UGT2A1: variants seen among roughly 807,000 people sequenced by gnomAD.
UGT2A1 encodes the protein UDP-glucuronosyltransferase 2A1.
UGT2A1 carries 61 observed loss-of-function variants against 45.4 expected under a neutral mutation model. The observed-to-expected ratio is 1.34, with a 90% CI of 1.09 to 1.66. The LOEUF is 1.66. UGT2A1 is among the 40% of genes most tolerant of loss of function. The pLI is 0.00. For missense variants in UGT2A1, 649 were observed against 574.3 expected, an observed-to-expected ratio of 1.13 and a Z score of -1.33; for synonymous variants, 229 against 196.2, an observed-to-expected ratio of 1.17 and a Z score of -1.40.
At chr4:69,634,770 C>A (rs1022890694) in intron 3 of UGT2A1, among the ~76,000 whole-genome samples, 1 of 152,074 alleles carries the variant, frequency 6.6e-6, no homozygotes, top group African/African-American at 2.4e-5. Context: ...ATTCCTCAAT[C>A]TAATAAGAGA....
intron 2 of UGT2A1, among the ~76,000 whole-genome samples, chr4:69,643,849 A>G (rs992499979): frequency 1.1e-4 from 17 of 151,666 alleles, no homozygotes; most frequent in African/African-American, 3.6e-4. Flanking sequence ...TAGAAGATCA[A>G]TTCAAATTAC....
At chr4:69,589,725 A>C in intron 6 of UGT2A1, 74 bp from the exon 7 acceptor site, 1 of 1,528,900 alleles carries the variant, frequency 6.5e-7, no homozygotes, top group South Asian at 1.3e-5. Flanking sequence ...TATGTGATAC[A>C]CTTTTGCTCT....
chr4:69,595,218 G>T lies in UGT2A1; in HGVS notation c.1028C>A (p.Ala343Asp). 6.2e-7 allele frequency: 1 copy of T among 1,613,742 alleles called. No homozygotes were observed. Among genetic ancestry groups the T allele is most frequent in the Non-Finnish European group, 8.5e-7 (1 of 1,179,844 alleles). Residue 343 changes from alanine to aspartate, a missense_variant, in exon 5 of 7, where the codon GCC (alanine) becomes GAC (aspartate). Physicochemically the swap from Ala to Asp is moderately radical, Grantham distance 126. Coordinates refer to ENST00000286604, the MANE Select transcript of UGT2A1 (RefSeq NM_001252275.3). ...VLWRYKGKKP[A>D]TLGNNTQLFD... ...GAGCTGAGTATTGTTTCCTAATGTG[G>T]CTGGTTTCTTTCCTTTGTATCTCCA...
chr4:69,608,667 G>T (rs1220135552), intron 3 of UGT2A1, among the ~76,000 whole-genome samples: 1 of 151,792 alleles, frequency 6.6e-6, no homozygotes, highest in Non-Finnish European at 1.5e-5. Flanking sequence ...ACTCAACTCT[G>T]CAAAATACAC....
intron 3 of UGT2A1, among the ~76,000 whole-genome samples, chr4:69,628,012 T>C (rs747994154): frequency 6.6e-6 from 1 of 151,954 alleles, no homozygotes; most frequent in Non-Finnish European, 1.5e-5. Context: ...CCAGAAGCTA[T>C]TTTAGGTTGA....
At chr4:69,653,051 C>T (rs1289137569) in intron 1 of UGT2A1, 137 bp downstream of exon 1, 1 of 152,132 alleles carries the variant, frequency 6.6e-6, no homozygotes, top group African/African-American at 2.4e-5. Flanking sequence ...ACTAATAATG[C>T]TTTCATGGGT....
In UGT2A1 at chr4:69,626,827, T is replaced by C. The variant is rs189817047; in HGVS notation, c.847+8864A>G. Among the ~76,000 whole-genome samples the C allele has an allele frequency of 4.7e-4, 71 of 151,978 alleles. No homozygotes were observed. In the East Asian group the frequency reaches 0.011, roughly 23 times the overall value. On this transcript the variant is annotated intron_variant, in intron 3 of 6. Transcript: ENST00000286604. ...GTTCTATTCATTCATACTAATTATT[T>C]ATTTTGCTTCTCAAATTGTCCCAGA... is the stretch of plus-strand genomic sequence containing the variant.
intron 3 of UGT2A1, among the ~76,000 whole-genome samples, chr4:69,620,630 C>CTATT (rs1224852349): frequency 6.8e-6 from 1 of 147,412 alleles, no homozygotes; most frequent in African/African-American, 2.5e-5. Flanking sequence ...AAATAAAAAA[C>CTATT]TATTTTAAAA....
At chr4:69,601,236 C>T (rs1214629327) in intron 3 of UGT2A1, among the ~76,000 whole-genome samples, 1 of 152,164 alleles carries the variant, frequency 6.6e-6, no homozygotes, top group Non-Finnish European at 1.5e-5. Context: ...GAGCTTCCCT[C>T]TGATCCTCAC....
rs72852564 is a variant in UGT2A1 at position 69,595,328 on chromosome 4, A to G, written c.997-79T>C. The G allele has an allele frequency of 2.5e-3, 3,821 of 1,524,830 alleles. 75 individuals carry two copies. The African/African-American group carries it at 0.047, about 19-fold the overall frequency. 94.5% of individuals were successfully genotyped at this position (1,524,830 alleles called of 1,614,324 possible). On this transcript the variant is annotated intron_variant, in intron 4 of 6. Transcript: ENST00000286604. ...AAGTTGGGAGAATTATTTAGAAATC[A>G]TTTAGCCAGCTACTTGGAAGACGGG...
At chr4:69,601,408 G>A (rs1475699330) in intron 3 of UGT2A1, among the ~76,000 whole-genome samples, 2 of 152,110 alleles carry the variant, frequency 1.3e-5, no homozygotes, top group African/African-American at 2.4e-5. Flanking sequence ...CTACTCCTGG[G>A]TAACATAAGG....
In UGT2A1 at chr4:69,596,362, T is replaced by C. The variant is rs751031430; in HGVS notation, c.997-1113A>G. The C allele has an allele frequency of 5.6e-6, 9 of 1,599,370 alleles. No homozygotes were observed. In the African/African-American group the frequency reaches 8.1e-5, roughly 14 times the overall value. ...CACAACACCATTTTTACCTGAGCTC[T>C]GGATAAATTCTTCCATTTCCTGCAT... On this transcript the variant is annotated intron_variant, in intron 4 of 6. Coordinates refer to ENST00000286604, the MANE Select transcript of UGT2A1 (RefSeq NM_001252275.3).
At chr4:69,618,187 ATGTGTGTGTG>A (rs72430246) in intron 3 of UGT2A1, among the ~76,000 whole-genome samples, 11 of 144,358 alleles carry the variant, frequency 7.6e-5, no homozygotes, top group African/African-American at 2.8e-4. Context: ...GCCAGTAAGC[ATGTGTGTGTG>A]TGTGTGTGTG....
chr4:69,599,688 AT>A, intron 3 of UGT2A1: 1 of 258,716 alleles, frequency 3.9e-6, no homozygotes, highest in Non-Finnish European at 7.1e-6. Flanking sequence ...AGAGGTAGAA[AT>A]AAAGAAAGAG....
At chr4:69,639,475 T>C in intron 2 of UGT2A1, 1 of 1,613,174 alleles carries the variant, frequency 6.2e-7, no homozygotes, top group South Asian at 1.1e-5. Context: ...ACATTGTGAT[T>C]TCTTTGAATC....
chr4:69,651,425 G>A (rs6835972), intron 1 of UGT2A1, among the ~76,000 whole-genome samples: 33,387 of 151,966 alleles, frequency 0.22, 3,896 homozygotes, highest in Middle Eastern at 0.24. Context: ...AAAATAAACT[G>A]TGTAATATGA....
In UGT2A1 at chr4:69,647,489, G is replaced by A; in HGVS notation, c.156C>T (p.Val52=). ...ELIKKEHNVT[V]LVASGALFIT... is the part of the protein sequence containing the mutation. Reference sequence around the variant, plus strand: ...TGAAAAGTGCACCAGAGGCAACTAGGACAGTCACATTATGCTCCTTTTTAA... The same window carrying A: ...TGAAAAGTGCACCAGAGGCAACTAGAACAGTCACATTATGCTCCTTTTTAA... The change falls in exon 2 of 7, where the codon GTC becomes GTT. Residue 52 remains valine, a synonymous_variant. Coordinates refer to ENST00000286604, the MANE Select transcript of UGT2A1 (RefSeq NM_001252275.3). The A allele has an allele frequency of 6.2e-7, 1 of 1,613,018 alleles. No homozygotes were observed. The highest frequency in any genetic ancestry group is 8.5e-7 in the Non-Finnish European group (1 of 1,179,336).
intron 3 of UGT2A1, among the ~76,000 whole-genome samples, chr4:69,622,059 T>C (rs1289690709): frequency 6.6e-6 from 1 of 151,826 alleles, no homozygotes; most frequent in African/African-American, 2.4e-5. Context: ...TATTGAGTAC[T>C]AGGCTTAATA....
chr4:69,618,186 C>CAT (rs1408080793), intron 3 of UGT2A1, among the ~76,000 whole-genome samples: 1 of 51,150 alleles, frequency 2.0e-5, no homozygotes, highest in Non-Finnish European at 3.9e-5. Flanking sequence ...GGCCAGTAAG[C>CAT]ATGTGTGTGT....
Sources: allele counts gnomAD v4.1 joint callset (sites outside exome capture counted in the v4.1 genomes callset), GRCh38; gene constraint gnomAD v4.1.1; transcripts MANE v1.5; gene names NCBI Gene and HGNC (gene_info 2026-07-23, HGNC 2026-07-21).